Variants in PICALM observed in about 807,000 individuals in gnomAD.
PICALM encodes the protein phosphatidylinositol-binding clathrin assembly protein.
In PICALM, 40 loss-of-function variants were observed where a neutral mutation model predicts 80.5. The observed-to-expected ratio is 0.50, with a 90% CI of 0.39 to 0.65. PICALM has a LOEUF of 0.65. PICALM is among the 30% of genes least tolerant of loss of function. The pLI, the probability that PICALM is intolerant of heterozygous loss-of-function variation, is 0.00. For synonymous variants in PICALM, 288 were observed against 260.3 expected, an observed-to-expected ratio of 1.11 and a Z score of -1.02; for missense variants, 676 against 778.9, an observed-to-expected ratio of 0.87 and a Z score of 1.57.
At chr11:86,062,414 A>G (rs2096382443) in intron 1 of PICALM, among the ~76,000 whole-genome samples, 1 of 151,946 alleles carries the variant, frequency 6.6e-6, no homozygotes. Context: ...GGTATTTGGG[A>G]GGCTGAGGCA....
intron 14 of PICALM, among the ~76,000 whole-genome samples, 197 bp downstream of exon 14, chr11:85,983,669 G>A (rs1192088911): frequency 6.6e-6 from 1 of 152,042 alleles, no homozygotes; most frequent in Non-Finnish European, 1.5e-5. Flanking sequence ...TCTTCCCAAA[G>A]TCTAAATTGG....
intron 19 of PICALM, among the ~76,000 whole-genome samples, chr11:85,972,634 T>C (rs1389076907): frequency 6.6e-6 from 1 of 152,174 alleles, no homozygotes; most frequent in South Asian, 2.1e-4. Flanking sequence ...TTTAACTACA[T>C]ATCAGGAAAA....
intron 1 of PICALM, among the ~76,000 whole-genome samples, chr11:86,035,360 G>A (rs1350186590): frequency 6.6e-6 from 1 of 152,158 alleles, no homozygotes; most frequent in South Asian, 2.1e-4. Context: ...CCAGTGGCCT[G>A]TGCCATCAGA....
At chr11:86,031,396 A>G in intron 2 of PICALM, 73 bp downstream of exon 2, 1 of 1,206,774 alleles carries the variant, frequency 8.3e-7, no homozygotes, top group African/African-American at 1.5e-5. Context: ...CTGTTTCTGA[A>G]GTTTCAGTGA....
chr11:85,965,220 T>C (rs1297736316), intron 19 of PICALM, among the ~76,000 whole-genome samples: 1 of 152,194 alleles, frequency 6.6e-6, no homozygotes, highest in Non-Finnish European at 1.5e-5. Flanking sequence ...CCTTCCACCA[T>C]ACTATCATGC....
Position 85,990,346 on chromosome 11 carries a change from G to T in PICALM, c.1312C>A (p.Pro438Thr). ...AVDDAIPSLN[P>T]FLTKSSGDVH... is the part of the protein sequence containing the mutation. The stretch of plus-strand genomic sequence containing the variant: ...TCACCACTACTTTTTGTGAGGAAAG[G>T]ATTTAAGCTTGGAATGGCATCATCA... Residue 438 changes from proline (P) to threonine (T), a missense_variant, in exon 13 of 20, where the codon CCT (proline) becomes ACT (threonine). Around this residue, in one of 2 missense-constraint regions of PICALM, gnomAD observed 391 missense variants for 383.6 expected, o/e 1.02. Transcript: ENST00000393346. 6.2e-7 allele frequency: 1 copy of T among 1,608,138 alleles called. No homozygotes were observed.
chr11:86,057,085 TG>T (rs1331802350), intron 1 of PICALM, among the ~76,000 whole-genome samples: 1 of 152,068 alleles, frequency 6.6e-6, no homozygotes, highest in Non-Finnish European at 1.5e-5. Context: ...AATTACATAA[TG>T]GGGATGGTTG....
At chr11:85,979,547 A>G (rs1399961272) in intron 17 of PICALM, among the ~76,000 whole-genome samples, 1 of 152,162 alleles carries the variant, frequency 6.6e-6, no homozygotes, top group African/African-American at 2.4e-5. Context: ...ACTGTCTGAA[A>G]GAAAACAAAA....
chr11:86,037,095 G>A (rs1023312298), intron 1 of PICALM, among the ~76,000 whole-genome samples: 3 of 151,334 alleles, frequency 2.0e-5, no homozygotes, highest in East Asian at 1.9e-4. Flanking sequence ...ACAGGGGCCC[G>A]CCACCACGCC....
intron 19 of PICALM, among the ~76,000 whole-genome samples, chr11:85,966,222 C>T (rs538580601): frequency 2.7e-5 from 4 of 150,104 alleles, no homozygotes; most frequent in Admixed American, 6.6e-5. Flanking sequence ...TTTTCCCCCC[C>T]CAAAGACAGG....
chr11:86,066,466 T>C (rs1241022880), intron 1 of PICALM, among the ~76,000 whole-genome samples: 5 of 152,160 alleles, frequency 3.3e-5, no homozygotes, highest in Non-Finnish European at 7.4e-5. Context: ...AATGCAAGAT[T>C]ATCCTCCAAA....
At chr11:86,055,120 C>T (rs2096249593) in intron 1 of PICALM, among the ~76,000 whole-genome samples, 1 of 151,910 alleles carries the variant, frequency 6.6e-6, no homozygotes. Flanking sequence ...CACCTGAGGT[C>T]AGTAGTTTGA....
Position 86,042,910 on chromosome 11 carries a change from T to C in PICALM, c.131-11299A>G, listed in dbSNP as rs34382523. 6.2e-3 allele frequency among the ~76,000 whole-genome samples: 950 copies of C among 152,278 alleles called. 4 individuals are homozygous for C. Among genetic ancestry groups the C allele is most frequent in the Non-Finnish European group, 9.6e-3 (650 of 68,026 alleles). ...ACTATAAAGGAAAAAACATTTATGG[T>C]ATAATATCTATAATTATTTATAGAT... On this transcript the variant is annotated intron_variant, in intron 1 of 19. Transcript: ENST00000393346.
At chr11:86,057,440 G>A (rs1054064264) in intron 1 of PICALM, among the ~76,000 whole-genome samples, 1 of 152,182 alleles carries the variant, frequency 6.6e-6, no homozygotes, top group Non-Finnish European at 1.5e-5. Flanking sequence ...CCGGGAGGCT[G>A]AGACAGGAGA....
intron 1 of PICALM, among the ~76,000 whole-genome samples, chr11:86,053,481 A>C (rs2096223357): frequency 6.6e-6 from 1 of 152,340 alleles, no homozygotes; most frequent in South Asian, 2.1e-4. Context: ...TTCTTTGCTC[A>C]AATTAACTGC....
rs2093562294 is a variant in PICALM at position 85,957,215 on chromosome 11, T to C, written c.*1831A>G. ...TTTAATAATACTGAAACTTAAAAGCTGATAAAATTTATTGGCTACGACTAC... is the reference window on the plus strand; with the variant it reads ...TTTAATAATACTGAAACTTAAAAGCCGATAAAATTTATTGGCTACGACTAC... On this transcript the variant is annotated 3_prime_UTR_variant, in exon 20 of 20. Coordinates refer to ENST00000393346, the MANE Select transcript of PICALM (RefSeq NM_007166.4). 6.6e-6 allele frequency among the ~76,000 whole-genome samples: 1 copy of C among 152,176 alleles called. No homozygotes were observed. Among genetic ancestry groups the C allele is most frequent in the African/African-American group, 2.4e-5 (1 of 41,442 alleles).
chr11:86,031,897 T>C (rs1449120213), intron 1 of PICALM, among the ~76,000 whole-genome samples: 2 of 152,202 alleles, frequency 1.3e-5, no homozygotes, highest in Non-Finnish European at 2.9e-5. Context: ...CAAAATGAAT[T>C]GTTTCAAGGT....
intron 1 of PICALM, among the ~76,000 whole-genome samples, chr11:86,035,092 T>C (rs987554783): frequency 2.7e-5 from 4 of 150,380 alleles, no homozygotes; most frequent in Admixed American, 2.0e-4. Flanking sequence ...AACAGTGAAA[T>C]GCAAAACAGT....
At chr11:86,061,224 G>A (rs752487917) in intron 1 of PICALM, among the ~76,000 whole-genome samples, 5 of 150,490 alleles carry the variant, frequency 3.3e-5, no homozygotes, top group Admixed American at 6.7e-5. Flanking sequence ...AGCTACTTGC[G>A]AGGCTGAGGC....
Sources: allele counts gnomAD v4.1 joint callset (sites outside exome capture counted in the v4.1 genomes callset), GRCh38; gene constraint gnomAD v4.1.1; regional missense constraint gnomAD v4.1.1; transcripts MANE v1.5; gene names NCBI Gene and HGNC (gene_info 2026-07-23, HGNC 2026-07-21).